The following ZNF518A variants were observed in gnomAD, a reference collection of about 807,000 sequenced individuals.
ZNF518A encodes the protein zinc finger protein 518.
Under a neutral mutation model 102.7 loss-of-function variants are expected in ZNF518A, and 47 were observed. That is an observed-to-expected ratio of 0.46 (90% confidence interval 0.36 to 0.58). The LOEUF (loss-of-function observed/expected upper bound fraction) is 0.58. ZNF518A is among the 20% of genes least tolerant of loss of function. The probability of loss-of-function intolerance (pLI) is 0.00; values close to 1 mark genes in which losing one functional copy is unlikely to be tolerated. For synonymous variants in ZNF518A, 652 were observed against 594.6 expected, an observed-to-expected ratio of 1.10 and a Z score of -1.40; for missense variants, 1,793 against 1,699.8, an observed-to-expected ratio of 1.05 and a Z score of -0.96.
At chr10:96,171,144 A>G (rs1302845831) in intron 1 of ZNF518A, among the ~76,000 whole-genome samples, 3 of 152,176 alleles carry the variant, frequency 2.0e-5, no homozygotes, top group African/African-American at 7.2e-5. Context: ...TCAATAGGTT[A>G]CATGTAATGT....
rs2082945535 is a variant in ZNF518A, at chr10:96,160,349, A to C, written c.4027A>C (p.Arg1343=). 6.2e-7 allele frequency: 1 copy of C among 1,613,544 alleles called. No homozygotes were observed. The highest frequency in any genetic ancestry group is 1.3e-5 in the African/African-American group (1 of 74,914). Residue 1343 remains arginine (R), a synonymous_variant, in exon 6 of 6, where the codon AGA becomes CGA. Transcript: ENST00000316045. ...SSKQLVKCPR[R]NQPVVVLNHP... is the part of the protein sequence containing the mutation. ...TAAACAGCTTGTGAAATGTCCTAGGAGAAACCAACCAGTTGTAGTTTTGAA... is the reference window on the plus strand; with the variant it reads ...TAAACAGCTTGTGAAATGTCCTAGGCGAAACCAACCAGTTGTAGTTTTGAA...
chr10:96,140,746 CA>C (rs2133276216), intron 3 of ZNF518A, among the ~76,000 whole-genome samples: 1 of 147,618 alleles, frequency 6.8e-6, no homozygotes, highest in South Asian at 2.2e-4. Flanking sequence ...ACCTGGGCAA[CA>C]TGGTGAAACC....
chr10:96,203,958 G>T, exon 3 of ZNF518A: 1 of 953,576 alleles, frequency 1.0e-6, no homozygotes, highest in Non-Finnish European at 1.7e-6. Context: ...GGATAACGCA[G>T]CTGGAAGCGA....
Position 96,159,699 on chromosome 10 carries a change from G to A in ZNF518A, c.3377G>A (p.Ser1126Asn), listed in dbSNP as rs587772337. 6.5e-5 allele frequency: 105 copies of A among 1,613,212 alleles called. 3 individuals carry two copies. The South Asian group carries it at 1.1e-3, about 17-fold the overall frequency. The change falls in exon 6 of 6, where the codon AGT becomes AAT. Residue 1126 changes from serine (S) to asparagine (N), a missense_variant. Physicochemically the swap from Ser to Asn is conservative, Grantham distance 46. This residue lies in a region of ZNF518A where 1,741 missense variants were observed against 1,622.6 expected (regional missense o/e 1.07). Transcript: ENST00000316045. ...CTTAAGCCCAAATTAGTCCAAAATA[G>A]TACTTATCAAAATATACAGCCAAAG... ...ELLKPKLVQNSTYQNIQPKKP... is the reference protein window; with the variant it reads ...ELLKPKLVQNNTYQNIQPKKP...
intron 1 of ZNF518A, among the ~76,000 whole-genome samples, chr10:96,193,588 A>G (rs777654326): frequency 8.7e-4 from 132 of 152,342 alleles, no homozygotes; most frequent in Non-Finnish European, 1.1e-3. Flanking sequence ...AGAATTGGGC[A>G]TAACATAGTT....
chr10:96,154,717 C>T (rs184355096), intron 3 of ZNF518A, among the ~76,000 whole-genome samples: 9 of 152,228 alleles, frequency 5.9e-5, no homozygotes, highest in Admixed American at 3.3e-4. Flanking sequence ...GCCCTAAAAA[C>T]CCTTCATGAG....
chr10:96,183,631 A>T (rs1554892229), intron 1 of ZNF518A, among the ~76,000 whole-genome samples: 2 of 152,104 alleles, frequency 1.3e-5, no homozygotes, highest in Admixed American at 6.5e-5. Context: ...GTTTTGAGTG[A>T]GTTTCTTAAT....
downstream of ZNF518A, chr10:96,204,430 T>C (rs2133965052): frequency 1.5e-6 from 2 of 1,299,742 alleles, no homozygotes; most frequent in East Asian, 4.6e-5. Context: ...GTTGGATTTT[T>C]ACCTAGCACT....
At chr10:96,187,685 A>G (rs1052556503) in intron 1 of ZNF518A, among the ~76,000 whole-genome samples, 39 of 152,240 alleles carry the variant, frequency 2.6e-4, no homozygotes, top group African/African-American at 8.4e-4. Flanking sequence ...AACAGAAGAC[A>G]AGAACTGGGG....
Position 96,163,601 on chromosome 10 carries a change from G to A in ZNF518A, c.*2827G>A, listed in dbSNP as rs1189760076. The A allele has an allele frequency of 1.2e-5, 2 of 166,834 alleles. No individual in the cohort carries two copies. The highest frequency in any genetic ancestry group is 4.8e-5 in the African/African-American group (2 of 41,362). The allele number at this position is 166,834 out of a possible 1,614,324, so 10.3% of individuals were successfully genotyped here. On this transcript the variant is annotated 3_prime_UTR_variant, in exon 6 of 6. Coordinates refer to ENST00000316045, the MANE Select transcript of ZNF518A (RefSeq NM_001330736.2). ...TTTTAATGGAAAATATTTTCATTGG[G>A]GGGTTAGCAAATTTTTTCAATAAAG...
At chr10:96,150,991 G>A (rs2082424054) in intron 3 of ZNF518A, among the ~76,000 whole-genome samples, 1 of 151,916 alleles carries the variant, frequency 6.6e-6, no homozygotes, top group South Asian at 2.1e-4. Context: ...GACCTCAGGT[G>A]ATCCGCCCCC....
chr10:96,167,512 A>G (rs782256648), downstream of ZNF518A, among the ~76,000 whole-genome samples: 5 of 152,192 alleles, frequency 3.3e-5, no homozygotes, highest in Non-Finnish European at 7.3e-5. Flanking sequence ...TAAGGAAAGT[A>G]TTCTAATGTC....
rs782571830 is a variant in ZNF518A, at chr10:96,159,034, A to G, written c.2712A>G (p.Lys904=). Residue 904 remains lysine, a synonymous_variant, in exon 6 of 6, where the codon AAA becomes AAG. Coordinates refer to ENST00000316045, the MANE Select transcript of ZNF518A (RefSeq NM_001330736.2). ...AIITQQLVKD[K]LRATTQNLGS... is the part of the protein sequence containing the mutation. ...TAACACAGCAGCTTGTAAAAGACAA[A>G]CTACGAGCCACCACACAAAATTTAG... 1.1e-5 allele frequency: 17 copies of G among 1,613,660 alleles called. No individual in the cohort carries two copies. The highest frequency in any genetic ancestry group is 3.3e-5 in the Admixed American group (2 of 59,912).
At chr10:96,143,008 A>G (rs1282486977) in intron 3 of ZNF518A, among the ~76,000 whole-genome samples, 4 of 152,108 alleles carry the variant, frequency 2.6e-5, no homozygotes, top group Admixed American at 2.6e-4. Flanking sequence ...GGGTTTCGCC[A>G]TGTTGGCCAG....
At chr10:96,198,020 TAAA>T (rs2083519960) in intron 1 of ZNF518A, among the ~76,000 whole-genome samples, 1 of 150,240 alleles carries the variant, frequency 6.7e-6, no homozygotes, top group South Asian at 2.1e-4. Flanking sequence ...AATCATAAAA[TAAA>T]AAATTACGAA....
chr10:96,155,742 G>A (rs1180900290), intron 4 of ZNF518A, 182 bp from the exon 5 acceptor site: 1 of 152,164 alleles, frequency 6.6e-6, no homozygotes, highest in Non-Finnish European at 1.5e-5. Flanking sequence ...TTCTCACAGG[G>A]AATAGCTATT....
At chr10:96,137,462 C>A (rs1349047210) in intron 3 of ZNF518A, among the ~76,000 whole-genome samples, 1 of 152,238 alleles carries the variant, frequency 6.6e-6, no homozygotes, top group Admixed American at 6.5e-5. Context: ...CAGCCTTTCT[C>A]CTCTAAAACT....
At chr10:96,183,062 G>A (rs1283704114) in intron 1 of ZNF518A, among the ~76,000 whole-genome samples, 2 of 152,196 alleles carry the variant, frequency 1.3e-5, no homozygotes, top group Admixed American at 6.5e-5. Context: ...GGGTATATGT[G>A]TCCAGGAATT....
At chr10:96,183,771 T>G (rs148930001) in intron 1 of ZNF518A, among the ~76,000 whole-genome samples, 7,760 of 152,310 alleles carry the variant, frequency 0.051, 276 homozygotes, top group Middle Eastern at 0.085. Flanking sequence ...AATGTGGTGA[T>G]GAGAATAATG....
Sources: gnomAD v4.1 joint callset for allele counts (sites outside exome capture counted in the v4.1 genomes callset) on GRCh38, gnomAD v4.1.1 for gene constraint, gnomAD v4.1.1 regional missense constraint, MANE v1.5 for transcripts, NCBI Gene and HGNC (gene_info 2026-07-23, HGNC 2026-07-21) for gene names.